Variants in CCDC141 observed in about 807,000 individuals in gnomAD.
CCDC141 encodes the protein coiled-coil domain-containing protein 141.
A neutral mutation model predicts 181.0 loss-of-function variants in CCDC141; 168 were observed. That is an observed-to-expected ratio of 0.93 (90% CI 0.82 to 1.05). The LOEUF (loss-of-function observed/expected upper bound fraction) is 1.05. Ranked by LOEUF, CCDC141 falls within the 50% of genes least tolerant of loss-of-function variation. The probability of loss-of-function intolerance (pLI) is 0.00; values close to 1 mark genes in which losing one functional copy is unlikely to be tolerated. For missense variants in CCDC141, 1,902 were observed against 1,788.5 expected, an observed-to-expected ratio of 1.06 and a Z score of -1.14; for synonymous variants, 666 against 642.3, an observed-to-expected ratio of 1.04 and a Z score of -0.56.
Position 178,834,039 on chromosome 2 carries a change from T to C in CCDC141, c.*134A>G, listed in dbSNP as rs891772042. 3.5e-6 allele frequency: 3 copies of C among 867,960 alleles called. No homozygotes were observed. The highest frequency in any genetic ancestry group is 5.2e-6 in the Non-Finnish European group (3 of 577,662). The allele number at this position is 867,960 out of a possible 1,614,324, so 53.8% of individuals were successfully genotyped here. On this transcript the variant is annotated 3_prime_UTR_variant, in exon 24 of 24. Coordinates refer to ENST00000443758, the MANE Select transcript of CCDC141 (RefSeq NM_173648.4). ...TTGATTATTTCACCTAGCAGTGGTA[T>C]TAGCCAAACAAGTATGGTGATCAGA...
chr2:178,934,470 G>A (rs1239198381), intron 6 of CCDC141, among the ~76,000 whole-genome samples: 1 of 152,092 alleles, frequency 6.6e-6, no homozygotes, highest in East Asian at 1.9e-4. Context: ...AATCATCCAT[G>A]TCTGCTATTT....
At chr2:179,021,086 G>A (rs2042679436) in intron 2 of CCDC141, among the ~76,000 whole-genome samples, 1 of 152,122 alleles carries the variant, frequency 6.6e-6, no homozygotes, top group East Asian at 1.9e-4. Context: ...TAACCAAAAT[G>A]TAAGATAATT....
chr2:178,983,226 G>T (rs1691526547), intron 2 of CCDC141, among the ~76,000 whole-genome samples: 4 of 152,016 alleles, frequency 2.6e-5, no homozygotes, highest in Non-Finnish European at 4.4e-5. Flanking sequence ...ACACTGCAGG[G>T]TACTCCAACA....
chr2:178,913,235 G>A (rs1269400466), intron 7 of CCDC141, among the ~76,000 whole-genome samples: 3 of 152,210 alleles, frequency 2.0e-5, no homozygotes, highest in Non-Finnish European at 2.9e-5. Flanking sequence ...TAAGAGAAAG[G>A]GGAGTTGTTC....
intron 8 of CCDC141, among the ~76,000 whole-genome samples, chr2:178,902,330 G>A (rs1209775106): frequency 6.6e-6 from 1 of 152,162 alleles, no homozygotes; most frequent in East Asian, 1.9e-4. Context: ...AAAGCTGGAG[G>A]CATCACGCTA....
At chr2:178,905,971 T>G (rs1432171266) in intron 7 of CCDC141, among the ~76,000 whole-genome samples, 1 of 152,220 alleles carries the variant, frequency 6.6e-6, no homozygotes, top group Non-Finnish European at 1.5e-5. Context: ...TAGAGAAATA[T>G]TCAAGAAATT....
chr2:178,873,089 C>A (rs1414218552), intron 12 of CCDC141: 1 of 152,092 alleles, frequency 6.6e-6, no homozygotes, highest in Non-Finnish European at 1.5e-5. Flanking sequence ...TTTGGCGAAA[C>A]AATTCTTATG....
intron 6 of CCDC141, chr2:178,926,782 A>G (rs1357822790): frequency 6.6e-6 from 1 of 152,230 alleles, no homozygotes; most frequent in Non-Finnish European, 1.5e-5. Flanking sequence ...AGAAGAAAGG[A>G]TATTGGATGT....
intron 2 of CCDC141, among the ~76,000 whole-genome samples, chr2:179,003,845 AAT>A (rs1168161309): frequency 2.6e-5 from 4 of 152,112 alleles, no homozygotes; most frequent in South Asian, 2.1e-4. Context: ...TGTATGTTAG[AAT>A]ATGTTTTTAA....
At chr2:178,888,473 C>T in intron 9 of CCDC141, 54 bp downstream of exon 9, 1 of 1,507,126 alleles carries the variant, frequency 6.6e-7, no homozygotes, top group Admixed American at 2.0e-5. Context: ...ACTGCCCTAC[C>T]ATATCATCTA....
intron 7 of CCDC141, among the ~76,000 whole-genome samples, chr2:178,917,443 T>A (rs1688502163): frequency 6.6e-6 from 1 of 152,216 alleles, no homozygotes; most frequent in Non-Finnish European, 1.5e-5. Context: ...AAGTTTCTTA[T>A]TAGTAAAGAA....
At chr2:178,993,418 G>C (rs1420524978) in intron 2 of CCDC141, among the ~76,000 whole-genome samples, 1 of 152,102 alleles carries the variant, frequency 6.6e-6, no homozygotes, top group African/African-American at 2.4e-5. Flanking sequence ...CTTGTGTACG[G>C]AAACTCCCAT....
At chr2:178,992,998 T>C (rs1015864669) in intron 2 of CCDC141, among the ~76,000 whole-genome samples, 39 of 152,210 alleles carry the variant, frequency 2.6e-4, no homozygotes, top group African/African-American at 8.9e-4. Context: ...CATGGTGAAC[T>C]GTGAGTCAAT....
chr2:178,944,494 C>A, intron 6 of CCDC141, 41 bp downstream of exon 6: 1 of 936,456 alleles, frequency 1.1e-6, no homozygotes, highest in Non-Finnish European at 1.5e-6. Context: ...AAAGTTAATG[C>A]ATTTTTCAAT....
At chr2:178,947,359 A>G (rs1689775851) in intron 5 of CCDC141, among the ~76,000 whole-genome samples, 1 of 152,228 alleles carries the variant, frequency 6.6e-6, no homozygotes, top group Admixed American at 6.5e-5. Flanking sequence ...ATGAGCCACA[A>G]GCTGAGGAGA....
intron 16 of CCDC141, among the ~76,000 whole-genome samples, chr2:178,867,013 A>AT (rs1431525136): frequency 1.3e-5 from 2 of 152,298 alleles, no homozygotes; most frequent in South Asian, 2.1e-4. Flanking sequence ...TAAAGAAGGA[A>AT]TTTTTTTAAA....
chr2:179,015,105 A>ATATATATAT (rs2042417411), intron 2 of CCDC141, among the ~76,000 whole-genome samples: 1 of 21,362 alleles, frequency 4.7e-5, no homozygotes, highest in African/African-American at 1.1e-4. Flanking sequence ...TATATATATA[A>ATATATATAT]TATATATATA....
At chr2:178,990,506 A>C (rs1374018466) in intron 2 of CCDC141, among the ~76,000 whole-genome samples, 1 of 149,586 alleles carries the variant, frequency 6.7e-6, no homozygotes, top group African/African-American at 2.5e-5. Flanking sequence ...TACATAGTAC[A>C]AAAGAGAGAG....
chr2:178,840,155 C>T (rs537914865), intron 22 of CCDC141, among the ~76,000 whole-genome samples: 95 of 152,296 alleles, frequency 6.2e-4, no homozygotes, highest in African/African-American at 2.0e-3. Context: ...GAGAATTGGT[C>T]CTACAACCTG....
Sources: gnomAD v4.1 joint callset for allele counts (sites outside exome capture counted in the v4.1 genomes callset) on GRCh38, gnomAD v4.1.1 for gene constraint, MANE v1.5 for transcripts, NCBI Gene and HGNC (gene_info 2026-07-23, HGNC 2026-07-21) for gene names.